Variants in NBEA observed in about 807,000 individuals in gnomAD.
NBEA encodes lysosomal-trafficking regulator 2.
In NBEA, 44 loss-of-function variants were observed where a neutral mutation model predicts 343.4. The ratio of observed to expected loss-of-function variants is 0.13; its 90% confidence interval spans 0.10 to 0.16. The LOEUF (loss-of-function observed/expected upper bound fraction) is 0.16, where lower values mean the gene tolerates loss of function less well. Ranked by LOEUF, NBEA falls within the 10% of genes least tolerant of loss-of-function variation. The probability of loss-of-function intolerance (pLI) is 1.00; values close to 1 mark genes in which losing one functional copy is unlikely to be tolerated. For synonymous variants in NBEA, 1,175 were observed against 1,238.7 expected (o/e 0.95, Z 1.08); for missense variants, 2,555 against 3,631.3 (o/e 0.70, Z 7.62).
chr13:35,633,016 GAAAAA>G (rs35343385), intron 49 of NBEA, among the ~76,000 whole-genome samples: 4 of 117,378 alleles, frequency 3.4e-5, no homozygotes, highest in Non-Finnish European at 7.2e-5. Flanking sequence ...GTCTTATTTT[GAAAAA>G]AAAAAAAAAA....
intron 45 of NBEA, among the ~76,000 whole-genome samples, chr13:35,574,001 T>C (rs2080583935): frequency 6.6e-6 from 1 of 152,172 alleles, no homozygotes; most frequent in African/African-American, 2.4e-5. Flanking sequence ...GGAAAACTTC[T>C]AGAACTAACA....
rs1160900608 is a variant in NBEA at position 35,104,402 on chromosome 13, G to GTA, written c.1681-4880_1681-4879dup. Among the ~76,000 whole-genome samples the GTA allele has an allele frequency of 2.0e-5, 3 of 151,870 alleles. No homozygotes were observed. In the East Asian group the frequency reaches 5.8e-4, roughly 29 times the overall value. On this transcript the variant is annotated intron_variant, in intron 11 of 58. Coordinates refer to ENST00000379939, the MANE Select transcript of NBEA (RefSeq NM_001385012.1). ...TAGGCTTTATGAAAGCAGGGGCAAT[G>GTA]TATATATATTTTTGTCTCCCCTTAT...
intron 38 of NBEA, among the ~76,000 whole-genome samples, chr13:35,396,090 T>C (rs537496710): frequency 5.3e-5 from 8 of 152,234 alleles, no homozygotes; most frequent in Middle Eastern, 6.8e-3. Context: ...AGACAGGGTC[T>C]TGCTATGGTG....
chr13:35,283,100 A>G (rs1346062145), intron 34 of NBEA, among the ~76,000 whole-genome samples: 1 of 152,174 alleles, frequency 6.6e-6, no homozygotes, highest in Non-Finnish European at 1.5e-5. Context: ...TATAAAAACC[A>G]TCACTATAGA....
At chr13:35,020,121 C>A (rs1022617802) in intron 1 of NBEA, among the ~76,000 whole-genome samples, 4 of 151,986 alleles carry the variant, frequency 2.6e-5, no homozygotes, top group African/African-American at 9.7e-5. Context: ...TTGAAAGCTT[C>A]TATAGTAATA....
chr13:35,204,164 G>C (rs2073214327), intron 31 of NBEA, among the ~76,000 whole-genome samples: 1 of 152,090 alleles, frequency 6.6e-6, no homozygotes, highest in Non-Finnish European at 1.5e-5. Flanking sequence ...TGGTGGCATT[G>C]GATTCTTCTA....
intron 38 of NBEA, among the ~76,000 whole-genome samples, chr13:35,425,258 T>C (rs2044578471): frequency 6.6e-6 from 1 of 152,204 alleles, no homozygotes; most frequent in South Asian, 2.1e-4. Context: ...ATTTTAAATC[T>C]TTCCTGCTTT....
At chr13:35,270,966 C>A (rs1348021312) in intron 34 of NBEA, among the ~76,000 whole-genome samples, 2 of 152,236 alleles carry the variant, frequency 1.3e-5, no homozygotes, top group African/African-American at 4.8e-5. Context: ...ACTTAAACGT[C>A]CCTGCCTGAC....
intron 24 of NBEA, among the ~76,000 whole-genome samples, chr13:35,166,123 A>G (rs1004293595): frequency 6.6e-6 from 1 of 152,170 alleles, no homozygotes; most frequent in Admixed American, 6.6e-5. Flanking sequence ...TTGTATTGAA[A>G]TTCACTTTGA....
At chr13:35,423,963 G>C (rs1256380482) in intron 38 of NBEA, among the ~76,000 whole-genome samples, 1 of 152,128 alleles carries the variant, frequency 6.6e-6, no homozygotes, top group Non-Finnish European at 1.5e-5. Context: ...TCTGTTATTG[G>C]TGTGTAAGAA....
chr13:35,116,828 G>A (rs2066516488), intron 13 of NBEA, among the ~76,000 whole-genome samples: 1 of 151,702 alleles, frequency 6.6e-6, no homozygotes, highest in Non-Finnish European at 1.5e-5. Context: ...TTTAAAATTT[G>A]TACGTTATGA....
intron 35 of NBEA, among the ~76,000 whole-genome samples, chr13:35,293,933 A>G (rs376461201): frequency 6.8e-6 from 1 of 147,556 alleles, no homozygotes; most frequent in Admixed American, 6.9e-5. Context: ...CATTTAAAAA[A>G]TTCTTAGTAT....
intron 45 of NBEA, among the ~76,000 whole-genome samples, chr13:35,578,250 T>C (rs961985567): frequency 2.0e-5 from 3 of 152,212 alleles, no homozygotes; most frequent in Non-Finnish European, 4.4e-5. Flanking sequence ...ATTTGACTTT[T>C]CTTCAGTGTA....
In NBEA at chr13:35,348,597, T is replaced by C. The variant is rs1208686959; in HGVS notation, c.5904-511T>C. The stretch of plus-strand genomic sequence containing the variant: ...GCATTTAAAAGAATTTTAGATGTCA[T>C]TTAGTCCTATCATCTGCATTATTTA... On this transcript the variant is annotated intron_variant, in intron 36 of 58. Transcript: ENST00000379939. 2.6e-5 allele frequency among the ~76,000 whole-genome samples: 4 copies of C among 152,244 alleles called. No homozygotes were observed. In the East Asian group the frequency reaches 7.7e-4, roughly 29 times the overall value.
chr13:34,951,208 GCAA>G (rs778927809), intron 1 of NBEA, among the ~76,000 whole-genome samples: 1 of 151,626 alleles, frequency 6.6e-6, no homozygotes, highest in Non-Finnish European at 1.5e-5. Flanking sequence ...ATAACATGTG[GCAA>G]CAACTTAAAT....
intron 34 of NBEA, among the ~76,000 whole-genome samples, chr13:35,258,152 A>T (rs1371898015): frequency 6.6e-6 from 1 of 150,632 alleles, no homozygotes; most frequent in Non-Finnish European, 1.5e-5. Context: ...TGGGATTGTT[A>T]GCCACACAGT....
At position 35,653,668 on chromosome 13, in the gene NBEA, A is replaced by G. The variant is rs17052557; in HGVS notation, c.8036-1187A>G. On this transcript the variant is annotated intron_variant, in intron 53 of 58. Transcript: ENST00000379939. The stretch of plus-strand genomic sequence containing the variant: ...ATTCAAATTCATCCTTCGTCTTTGA[A>G]CCTGGAAATAAGATAAGATACAGAC... Among the ~76,000 whole-genome samples the G allele has an allele frequency of 5.5e-3, 839 of 152,244 alleles. 7 individuals are homozygous for G. The highest frequency in any genetic ancestry group is 0.019 in the African/African-American group (781 of 41,534).
intron 40 of NBEA, among the ~76,000 whole-genome samples, chr13:35,471,305 G>T (rs1402307750): frequency 6.6e-6 from 1 of 152,114 alleles, no homozygotes; most frequent in Non-Finnish European, 1.5e-5. Flanking sequence ...GTGTCGGCGC[G>T]AGGGCTCTCC....
chr13:35,610,391 A>G (rs1715304152), intron 48 of NBEA, among the ~76,000 whole-genome samples: 2 of 152,128 alleles, frequency 1.3e-5, no homozygotes, highest in Non-Finnish European at 2.9e-5. Context: ...GCACTCCACC[A>G]GAGCAAGACC....
Sources: gnomAD v4.1 joint callset for allele counts (sites outside exome capture counted in the v4.1 genomes callset) on GRCh38, gnomAD v4.1.1 for gene constraint, MANE v1.5 for transcripts, NCBI Gene and HGNC (gene_info 2026-07-23, HGNC 2026-07-21) for gene names.